Variants in IARS1 observed in about 807,000 individuals in gnomAD.
IARS1 encodes isoleucine--tRNA ligase, cytoplasmic.
IARS1 carries 124 observed loss-of-function variants against 168.2 expected under a neutral mutation model. The ratio of observed to expected loss-of-function variants is 0.74; its 90% CI spans 0.64 to 0.86. The LOEUF (loss-of-function observed/expected upper bound fraction) is 0.86. Ranked by LOEUF, IARS1 falls within the 40% of genes least tolerant of loss-of-function variation. The pLI is 0.00. For missense variants in IARS1, 1,452 were observed against 1,515.8 expected, an observed-to-expected ratio of 0.96 and a Z score of 0.70; for synonymous variants, 532 against 529.4, an observed-to-expected ratio of 1.00 and a Z score of -0.07.
chr9:92,269,502 G>A (rs1327371341), intron 13 of IARS1, among the ~76,000 whole-genome samples: 1 of 152,178 alleles, frequency 6.6e-6, no homozygotes, highest in African/African-American at 2.4e-5. Context: ...ACAAGAGTAA[G>A]TACAAATGGC....
At position 92,251,888 on chromosome 9, in the gene IARS1, A is replaced by C; in HGVS notation, c.2230-3T>G. The C allele has an allele frequency of 6.2e-7, 1 of 1,601,430 alleles. No individual in the cohort carries two copies. Among genetic ancestry groups the C allele is most frequent in the Non-Finnish European group, 8.6e-7 (1 of 1,168,532 alleles). Reference sequence around the variant, plus strand: ...CAATCCTCCATCCCATTTTCACCCTAATGAGTAAAAAGGAAACATAAACAT... The same window carrying C: ...CAATCCTCCATCCCATTTTCACCCTCATGAGTAAAAAGGAAACATAAACAT... On this transcript the variant is annotated splice_region_variant and splice_polypyrimidine_tract_variant and intron_variant, in intron 21 of 33. Coordinates refer to ENST00000443024, the MANE Select transcript of IARS1 (RefSeq NM_002161.6).
intron 32 of IARS1, among the ~76,000 whole-genome samples, chr9:92,223,119 T>C (rs1289627225): frequency 2.6e-5 from 4 of 152,238 alleles, no homozygotes; most frequent in African/African-American, 7.2e-5. Context: ...ACAATTTAGT[T>C]GTAATTTTTA....
chr9:92,260,355 A>G (rs10820962), intron 17 of IARS1, 121 bp from the exon 18 acceptor site: 159,680 of 766,254 alleles, frequency 0.21, 20,016 homozygotes, highest in African/African-American at 0.46. Context: ...AGTAACTTAG[A>G]TAGAAGTTAG....
intron 18 of IARS1, 118 bp from the exon 19 acceptor site, chr9:92,259,116 ATT>A: frequency 1.2e-6 from 1 of 858,772 alleles, no homozygotes; most frequent in Non-Finnish European, 1.8e-6. Context: ...AAAGGGGGTA[ATT>A]ATGAATACTC....
chr9:92,223,430 C>T lies in IARS1; in HGVS notation c.3469G>A (p.Gly1157Arg). ...CTGTTGATCAGAGAGGGAGCCGATCCTGCAGTCACACAAAGTGTTTTTCCA... is the reference window on the plus strand; with the variant it reads ...CTGTTGATCAGAGAGGGAGCCGATCTTGCAGTCACACAAAGTGTTTTTCCA... ...LSGKTLCVTA[G>R]SAPSLINSSS... Residue 1157 changes from glycine (G) to arginine (R), a missense_variant, in exon 32 of 34, where the codon GGA becomes AGA. Gly to Arg is a moderately radical substitution (Grantham distance 125, BLOSUM62 -2). Coordinates refer to ENST00000443024, the MANE Select transcript of IARS1 (RefSeq NM_002161.6). 3 of 1,614,014 alleles carry T rather than the reference C, an allele frequency of 1.9e-6. No individual in the cohort carries two copies. Among genetic ancestry groups the T allele is most frequent in the Non-Finnish European group, 2.5e-6 (3 of 1,179,886 alleles).
intron 6 of IARS1, among the ~76,000 whole-genome samples, chr9:92,282,876 A>T (rs574579560): frequency 2.3e-3 from 339 of 144,674 alleles, no homozygotes; most frequent in Admixed American, 4.9e-3. Flanking sequence ...TTTTTTTGAG[A>T]CAGAGTCTAA....
At chr9:92,278,796 G>A (rs1564185738) in intron 7 of IARS1, among the ~76,000 whole-genome samples, 1 of 152,146 alleles carries the variant, frequency 6.6e-6, no homozygotes. Flanking sequence ...ATACTTCCAT[G>A]TATTAGCACA....
rs1307731924 is a variant in IARS1 at position 92,280,734 on chromosome 9, C to T, written c.745+12G>A. Reference sequence around the variant, plus strand: ...ATCCATATTAATCATAAGTAACCAGCCTCCCACTTACCTTTAATTTTCACA... The same window carrying T: ...ATCCATATTAATCATAAGTAACCAGTCTCCCACTTACCTTTAATTTTCACA... On this transcript the variant is annotated intron_variant, in intron 7 of 33. Transcript: ENST00000443024. 1.9e-6 allele frequency: 3 copies of T among 1,586,004 alleles called. No individual in the cohort carries two copies. The highest frequency in any genetic ancestry group is 2.3e-5 in the East Asian group (1 of 44,196).
intron 30 of IARS1, among the ~76,000 whole-genome samples, chr9:92,236,759 G>A (rs948958284): frequency 6.6e-6 from 1 of 152,212 alleles, no homozygotes; most frequent in Non-Finnish European, 1.5e-5. Flanking sequence ...TGAGGCATGA[G>A]AATCACTTGA....
chr9:92,289,336 A>G lies in IARS1; in HGVS notation c.84T>C (p.Phe28=). 6.3e-7 allele frequency: 1 copy of G among 1,575,020 alleles called. No individual in the cohort carries two copies. Among genetic ancestry groups the G allele is most frequent in the Non-Finnish European group, 8.7e-7 (1 of 1,147,018 alleles). The change falls in exon 2 of 34, where the codon TTT becomes TTC. Residue 28 remains phenylalanine (F), a synonymous_variant. Transcript: ENST00000443024. ...GTTTTGATTGCTTTAAGCATTCCTG[A>G]AAACAATTAAATTCAGTCCAAAACT... ...ILEFWTEFNC[F]QECLKQSKHK... is the part of the protein sequence containing the mutation.
At position 92,288,158 on chromosome 9, in the gene IARS1, TTC is replaced by T; in HGVS notation, c.242_243del (p.Arg81LysfsTer14). On this transcript the variant is annotated frameshift_variant, in exon 3 of 34. Coordinates refer to ENST00000443024, the MANE Select transcript of IARS1 (RefSeq NM_002161.6). LOFTEE classifies it high-confidence loss of function. ...YAHQSGFHVDRRFGWDCHGLP... is the reference protein window; with the variant it reads ...YAHQSGFHVDXRFGWDCHGLP... ...AAGCCATGGCAATCCCATCCAAATC[TTC>T]TGTCAACATGAAACCCACTCTGGTG... 6.2e-7 allele frequency: 1 copy of T among 1,614,106 alleles called. No homozygotes were observed. The highest frequency in any genetic ancestry group is 2.2e-5 in the East Asian group (1 of 44,868).
In IARS1 at chr9:92,225,114, G is replaced by A. The variant is rs981028240; in HGVS notation, c.3410-1625C>T. ...AAGCCAGACTCCTGATGGCAGCTTG[G>A]TTGTACTGCACTGTTTCCATTATGG... On this transcript the variant is annotated intron_variant, in intron 31 of 33. Transcript: ENST00000443024. Among the ~76,000 whole-genome samples, 5 of 152,318 alleles carry A rather than the reference G, an allele frequency of 3.3e-5. No individual in the cohort carries two copies. In the East Asian group the frequency reaches 9.6e-4, roughly 29 times the overall value.
At chr9:92,286,669 T>TCTA in intron 4 of IARS1, 51 bp from the exon 5 acceptor site, 1 of 997,056 alleles carries the variant, frequency 1.0e-6, no homozygotes, top group Non-Finnish European at 1.5e-6. Context: ...TTTATAATTG[T>TCTA]ACATCAATGT....
intron 30 of IARS1, among the ~76,000 whole-genome samples, chr9:92,233,092 A>C (rs1163372052): frequency 6.6e-6 from 1 of 152,216 alleles, no homozygotes; most frequent in Non-Finnish European, 1.5e-5. Flanking sequence ...AACAGTAAAC[A>C]AGTTAGACTT....
chr9:92,278,617 C>T (rs1354212936), intron 7 of IARS1, among the ~76,000 whole-genome samples: 1 of 152,120 alleles, frequency 6.6e-6, no homozygotes, highest in East Asian at 1.9e-4. Context: ...AAATTAAGTG[C>T]CACATATCAC....
chr9:92,222,941 A>C (rs1190340001), intron 32 of IARS1, among the ~76,000 whole-genome samples: 1 of 152,174 alleles, frequency 6.6e-6, no homozygotes, highest in Non-Finnish European at 1.5e-5. Context: ...TGAAGTGAGG[A>C]GCCCGAAGAC....
At chr9:92,220,027 A>C (rs1587697084) in intron 33 of IARS1, among the ~76,000 whole-genome samples, 1 of 146,830 alleles carries the variant, frequency 6.8e-6, no homozygotes. Flanking sequence ...CCAAATGTCC[A>C]ACAATGATAG....
At chr9:92,253,169 T>C (rs1830255277) in intron 21 of IARS1, among the ~76,000 whole-genome samples, 193 bp downstream of exon 21, 2 of 152,216 alleles carry the variant, frequency 1.3e-5, no homozygotes, top group South Asian at 4.1e-4. Context: ...GCAAAATGAC[T>C]TTTAGAACTT....
rs368293228 is a variant in IARS1, at chr9:92,229,082, C to T, written c.3328G>A (p.Asp1110Asn). 1 of 1,613,834 alleles carries T rather than the reference C, an allele frequency of 6.2e-7. No individual in the cohort carries two copies. The highest frequency in any genetic ancestry group is 1.7e-5 in the Admixed American group (1 of 59,986). The part of the protein sequence containing the change: ...LENPKGDNRL[D>N]LLKLKSVVTS... ...ACAACACTCTTCAGCTTTAAAAGGT[C>T]CAACCTATTGTCACCTTTTGGATTT... The change falls in exon 31 of 34, where the codon GAC becomes AAC. Residue 1110 changes from aspartate (D) to asparagine (N), a missense_variant. Physicochemically the swap from Asp to Asn is conservative, Grantham distance 23 (BLOSUM62 1). Coordinates refer to ENST00000443024, the MANE Select transcript of IARS1 (RefSeq NM_002161.6).
Sources: gnomAD v4.1 joint callset for allele counts (sites outside exome capture counted in the v4.1 genomes callset) on GRCh38, gnomAD v4.1.1 for gene constraint, MANE v1.5 for transcripts, NCBI Gene and HGNC (gene_info 2026-07-23, HGNC 2026-07-21) for gene names.